The following PLA2G7 variants were observed in gnomAD, a reference collection of about 807,000 sequenced individuals.
PLA2G7 encodes the protein platelet-activating factor acetylhydrolase.
In PLA2G7, 63 loss-of-function variants were observed where a neutral mutation model predicts 49.6. That is an observed-to-expected ratio of 1.27 (90% CI 1.04 to 1.57). The LOEUF is 1.57. Ranked by LOEUF, PLA2G7 falls within the 40% of genes most tolerant of loss-of-function variation. PLA2G7 has a pLI of 0.00. For synonymous variants in PLA2G7, 193 were observed against 169.9 expected (o/e 1.14, Z -1.06); for missense variants, 596 against 521.2 (o/e 1.14, Z -1.40).
chr6:46,734,392 G>A (rs1445886945), intron 1 of PLA2G7, among the ~76,000 whole-genome samples: 1 of 144,382 alleles, frequency 6.9e-6, no homozygotes, highest in Non-Finnish European at 1.5e-5. Context: ...AGAGTGAGAG[G>A]TGTGTAGTGG....
Position 46,722,937 on chromosome 6 carries a change from A to T in PLA2G7, c.-34-12T>A. ...TTCAGCTTAGTCTCCTTCGAAGCAGATGATTAAAAGAAAAAAGAAGTATGC... is the reference window on the plus strand; with the variant it reads ...TTCAGCTTAGTCTCCTTCGAAGCAGTTGATTAAAAGAAAAAAGAAGTATGC... On this transcript the variant is annotated splice_polypyrimidine_tract_variant and intron_variant, in intron 1 of 11. Transcript: ENST00000274793. 1 of 1,106,544 alleles carries T rather than the reference A, an allele frequency of 9.0e-7. No individual in the cohort carries two copies. Among genetic ancestry groups the T allele is most frequent in the East Asian group, 2.4e-5 (1 of 42,082 alleles). 68.5% of individuals were successfully genotyped at this position (1,106,544 alleles called of 1,614,324 possible).
intron 2 of PLA2G7, among the ~76,000 whole-genome samples, chr6:46,717,810 C>G (rs1765268915): frequency 6.7e-6 from 1 of 149,122 alleles, no homozygotes; most frequent in South Asian, 2.1e-4. Context: ...CTCCCTGGTT[C>G]AAGTGATTCT....
In PLA2G7 at chr6:46,710,743, A is replaced by G. The variant is rs1764988684; in HGVS notation, c.664-85T>C. The G allele has an allele frequency of 4.7e-6, 5 of 1,057,410 alleles. No individual in the cohort carries two copies. In the South Asian group the frequency reaches 5.1e-5, roughly 11 times the overall value. The allele number at this position is 1,057,410 out of a possible 1,614,324, so 65.5% of individuals were successfully genotyped here. ...AGTTTAGGTAGAAGCTGTATTTGGGAAAAATCGTTGGTCAGTTATAAACTG... is the reference window on the plus strand; with the variant it reads ...AGTTTAGGTAGAAGCTGTATTTGGGGAAAATCGTTGGTCAGTTATAAACTG... On this transcript the variant is annotated intron_variant, in intron 7 of 11. Transcript: ENST00000274793.
At chr6:46,730,362 T>A (rs1481663851) in intron 1 of PLA2G7, among the ~76,000 whole-genome samples, 1 of 152,190 alleles carries the variant, frequency 6.6e-6, no homozygotes, top group Non-Finnish European at 1.5e-5. Flanking sequence ...GAGGAGCAGT[T>A]AAAGTACAGG....
intron 1 of PLA2G7, among the ~76,000 whole-genome samples, chr6:46,725,775 AT>A (rs1290867134): frequency 6.6e-6 from 1 of 152,122 alleles, no homozygotes; most frequent in Non-Finnish European, 1.5e-5. Flanking sequence ...TTGCTAACAG[AT>A]TTTTTTCCAG....
Position 46,722,282 on chromosome 6 carries a change from A to G in PLA2G7, c.109+501T>C, listed in dbSNP as rs554268858. Among the ~76,000 whole-genome samples, 19 of 152,292 alleles carry G rather than the reference A, an allele frequency of 1.2e-4. No homozygotes were observed. The South Asian group carries it at 3.9e-3, about 32-fold the overall frequency. On this transcript the variant is annotated intron_variant, in intron 2 of 11. Coordinates refer to ENST00000274793, the MANE Select transcript of PLA2G7 (RefSeq NM_005084.4). ...ACTTCTCTCTATTATCAGGTAGGAA[A>G]GATTGTTTCCTTTTGGATCCCAAGA...
chr6:46,710,625 G>A lies in PLA2G7; in HGVS notation c.697C>T (p.Leu233Phe), dbSNP rs1167619072. The A allele has an allele frequency of 6.2e-6, 10 of 1,613,298 alleles. No individual in the cohort carries two copies. The Admixed American group carries it at 1.7e-4, about 27-fold the overall frequency. ...TGATCAATGTCAAGAATCAGACTGA[G>A]AGCTTGGGAACATTCTTTTGCTCTT... ...RQRAKECSQALSLILDIDHGK... is the reference protein window; with the variant it reads ...RQRAKECSQAFSLILDIDHGK... Residue 233 changes from leucine (L) to phenylalanine (F), a missense_variant, in exon 8 of 12, where the codon CTC (leucine) becomes TTC (phenylalanine). Leu to Phe is a conservative substitution (Grantham distance 22). Transcript: ENST00000274793.
At chr6:46,716,951 A>G (rs1211379074) in intron 3 of PLA2G7, 24 bp downstream of exon 3, 2 of 1,608,464 alleles carry the variant, frequency 1.2e-6, no homozygotes, top group Non-Finnish European at 8.5e-7. Flanking sequence ...GTATCAGGAT[A>G]AGTTGTATAA....
At chr6:46,726,187 T>C (rs928444464) in intron 1 of PLA2G7, among the ~76,000 whole-genome samples, 1 of 152,166 alleles carries the variant, frequency 6.6e-6, no homozygotes, top group African/African-American at 2.4e-5. Flanking sequence ...GAGTCCTGCC[T>C]TGGGCAGGTG....
intron 2 of PLA2G7, among the ~76,000 whole-genome samples, chr6:46,718,550 G>T (rs1471037177): frequency 6.6e-6 from 1 of 152,092 alleles, no homozygotes; most frequent in Non-Finnish European, 1.5e-5. Context: ...TTGTGCTACA[G>T]TACTCCTGAG....
intron 2 of PLA2G7, among the ~76,000 whole-genome samples, chr6:46,722,218 C>A (rs1233968788): frequency 6.6e-6 from 1 of 152,192 alleles, no homozygotes; most frequent in African/African-American, 2.4e-5. Context: ...GTGATCACAT[C>A]CATTCTCATC....
chr6:46,710,545 C>T lies in PLA2G7; in HGVS notation c.777G>A (p.Lys259=). ...LDLKFDMEQL[K]DSIDREKIAV... ...AGAAAAATTACTTTTTATAGCTTACCTTCAGTTGTTCCATATCAAACTTTA... is the reference window on the plus strand; with the variant it reads ...AGAAAAATTACTTTTTATAGCTTACTTTCAGTTGTTCCATATCAAACTTTA... Residue 259 remains lysine, a splice_region_variant and synonymous_variant, in exon 8 of 12, where the codon AAG becomes AAA. Transcript: ENST00000274793. 6.4e-7 allele frequency: 1 copy of T among 1,560,316 alleles called. No individual in the cohort carries two copies. The highest frequency in any genetic ancestry group is 8.8e-7 in the Non-Finnish European group (1 of 1,131,170).
intron 1 of PLA2G7, among the ~76,000 whole-genome samples, chr6:46,729,318 G>A (rs1765664403): frequency 6.6e-6 from 1 of 152,152 alleles, no homozygotes; most frequent in Non-Finnish European, 1.5e-5. Context: ...AGGCATTTCT[G>A]AGAAAAGCTG....
At position 46,714,966 on chromosome 6, in the gene PLA2G7, C is replaced by G. The variant is rs769914734; in HGVS notation, c.377-413G>C. On this transcript the variant is annotated intron_variant, in intron 4 of 11. Coordinates refer to ENST00000274793, the MANE Select transcript of PLA2G7 (RefSeq NM_005084.4). ...GTCAGGCTGGTCGTGAACTCCCGAC[C>G]TCAGGTGATCCACCTGCCTCAGCCT... 2.0e-5 allele frequency among the ~76,000 whole-genome samples: 3 copies of G among 151,974 alleles called. No homozygotes were observed. In the South Asian group the frequency reaches 6.2e-4, roughly 32 times the overall value.
intron 6 of PLA2G7, among the ~76,000 whole-genome samples, 198 bp downstream of exon 6, chr6:46,712,071 A>G (rs1765048503): frequency 6.6e-6 from 1 of 152,252 alleles, no homozygotes; most frequent in Non-Finnish European, 1.5e-5. Flanking sequence ...ATGGCAGGCA[A>G]TAAACACTCT....
At chr6:46,707,756 T>G (rs957125126) in intron 10 of PLA2G7, among the ~76,000 whole-genome samples, 1 of 152,194 alleles carries the variant, frequency 6.6e-6, no homozygotes, top group African/African-American at 2.4e-5. Context: ...TATTTCCATA[T>G]AGCAATGCAA....
At chr6:46,725,111 G>A (rs1466027884) in intron 1 of PLA2G7, among the ~76,000 whole-genome samples, 1 of 152,204 alleles carries the variant, frequency 6.6e-6, no homozygotes, top group Admixed American at 6.5e-5. Context: ...TACAAGTTCT[G>A]AGAGCAACAG....
chr6:46,705,573 T>G (rs1764790325), intron 10 of PLA2G7, among the ~76,000 whole-genome samples: 1 of 152,230 alleles, frequency 6.6e-6, no homozygotes, highest in Admixed American at 6.5e-5. Flanking sequence ...TGATTCTTGC[T>G]TTTTAGTGAA....
intron 10 of PLA2G7, among the ~76,000 whole-genome samples, chr6:46,705,668 C>T (rs1025132041): frequency 7.2e-5 from 11 of 152,230 alleles, no homozygotes; most frequent in Admixed American, 7.2e-4. Flanking sequence ...TACCTGCCCT[C>T]ACCACTGAAC....
Sources: gnomAD v4.1 joint callset for allele counts (sites outside exome capture counted in the v4.1 genomes callset) on GRCh38, gnomAD v4.1.1 for gene constraint, MANE v1.5 for transcripts, NCBI Gene and HGNC (gene_info 2026-07-23, HGNC 2026-07-21) for gene names.